CNTNAP2: variants seen among roughly 807,000 people sequenced by gnomAD.
The protein encoded by CNTNAP2 is contactin associated protein 2.
CNTNAP2 carries 98 observed loss-of-function variants against 155.2 expected under a neutral mutation model. The observed-to-expected ratio is 0.63, with a 90% CI of 0.54 to 0.75. CNTNAP2 has a LOEUF of 0.75. Ranked by LOEUF, CNTNAP2 falls within the 30% of genes least tolerant of loss-of-function variation. The pLI, the probability that CNTNAP2 is intolerant of heterozygous loss-of-function variation, is 0.00. For synonymous variants in CNTNAP2, 651 were observed against 631.2 expected, an observed-to-expected ratio of 1.03 and a Z score of -0.47; for missense variants, 1,727 against 1,688.1, an observed-to-expected ratio of 1.02 and a Z score of -0.40.
At chr7:146,979,012 T>C (rs1272357813) in intron 3 of CNTNAP2, among the ~76,000 whole-genome samples, 3 of 152,200 alleles carry the variant, frequency 2.0e-5, no homozygotes, top group African/African-American at 7.2e-5. Flanking sequence ...GAAGATCTTA[T>C]TGATTTTCTA....
chr7:148,074,757 A>T (rs1287298417), intron 15 of CNTNAP2, among the ~76,000 whole-genome samples: 1 of 152,128 alleles, frequency 6.6e-6, no homozygotes, highest in African/African-American at 2.4e-5. Context: ...CTTTTCTCCA[A>T]GTTTTCTTCT....
At chr7:147,356,769 TATA>T (rs1796069729) in intron 9 of CNTNAP2, among the ~76,000 whole-genome samples, 1 of 152,048 alleles carries the variant, frequency 6.6e-6, no homozygotes, top group South Asian at 2.1e-4. Flanking sequence ...TGAGGGAAAA[TATA>T]ATGTCATAAT....
intron 1 of CNTNAP2, among the ~76,000 whole-genome samples, chr7:146,650,581 A>G (rs887353914): frequency 6.6e-6 from 1 of 152,038 alleles, no homozygotes; most frequent in East Asian, 1.9e-4. Flanking sequence ...TAGGAGAAAT[A>G]CCTAATGTAG....
At chr7:146,203,787 T>C (rs1308230104) in intron 1 of CNTNAP2, among the ~76,000 whole-genome samples, 1 of 152,106 alleles carries the variant, frequency 6.6e-6, no homozygotes, top group South Asian at 2.1e-4. Context: ...CTCAGTAGCA[T>C]ACAGAATTTA....
At chr7:147,601,636 T>TAAAAAAAAAAAAA (rs370619019) in intron 12 of CNTNAP2, among the ~76,000 whole-genome samples, 3 of 69,252 alleles carry the variant, frequency 4.3e-5, no homozygotes, top group African/African-American at 1.9e-4. Flanking sequence ...CATTGACTCT[T>TAAAAAAAAAAAAA]AAAAAAAAAT....
intron 3 of CNTNAP2, among the ~76,000 whole-genome samples, chr7:146,875,931 C>G (rs867079024): frequency 2.3e-5 from 1 of 44,180 alleles, no homozygotes; most frequent in Non-Finnish European, 3.7e-5. Context: ...CACACATACA[C>G]AGCAAAAAAA....
At chr7:146,125,495 GA>G (rs1390535094) in intron 1 of CNTNAP2, among the ~76,000 whole-genome samples, 3 of 144,756 alleles carry the variant, frequency 2.1e-5, no homozygotes, top group African/African-American at 7.7e-5. Context: ...AGAATGGCGT[GA>G]ACCCAGGAGG....
At chr7:147,149,097 C>A (rs1331966129) in intron 8 of CNTNAP2, among the ~76,000 whole-genome samples, 1 of 152,210 alleles carries the variant, frequency 6.6e-6, no homozygotes, top group Non-Finnish European at 1.5e-5. Flanking sequence ...TTTGACCCCG[C>A]ACACATCCTG....
intron 1 of CNTNAP2, among the ~76,000 whole-genome samples, chr7:146,426,707 A>G (rs1383541708): frequency 2.6e-5 from 4 of 151,666 alleles, no homozygotes; most frequent in African/African-American, 9.7e-5. Context: ...GGAGGTGGAG[A>G]TATTGGAGAC....
intron 9 of CNTNAP2, among the ~76,000 whole-genome samples, chr7:147,300,877 G>T (rs544298134): frequency 6.6e-6 from 1 of 152,062 alleles, no homozygotes; most frequent in Non-Finnish European, 1.5e-5. Context: ...TCTCCCGGGG[G>T]TCACTGGGCA....
chr7:146,535,114 G>T (rs13312671), intron 1 of CNTNAP2, among the ~76,000 whole-genome samples: 1 of 54 alleles, frequency 0.019, no homozygotes, highest in Non-Finnish European at 0.1. Context: ...ATATATATAT[G>T]ATATATATCA....
At chr7:147,737,553 A>G (rs1796875927) in intron 13 of CNTNAP2, among the ~76,000 whole-genome samples, 1 of 152,076 alleles carries the variant, frequency 6.6e-6, no homozygotes, top group Non-Finnish European at 1.5e-5. Context: ...GCTGTCAGAC[A>G]GGGACATTTA....
At chr7:147,771,109 CTA>C (rs1797462303) in intron 13 of CNTNAP2, among the ~76,000 whole-genome samples, 1 of 152,044 alleles carries the variant, frequency 6.6e-6, no homozygotes, top group Non-Finnish European at 1.5e-5. Context: ...GTAAAAATAA[CTA>C]TGTTTTAATA....
chr7:146,753,370 TAAAA>T, intron 1 of CNTNAP2, among the ~76,000 whole-genome samples: 1 of 149,856 alleles, frequency 6.7e-6, no homozygotes, highest in African/African-American at 2.4e-5. Flanking sequence ...TCCATGTAAT[TAAAA>T]AAAAAATGTA....
intron 1 of CNTNAP2, among the ~76,000 whole-genome samples, chr7:146,687,911 G>A (rs923299256): frequency 2.0e-5 from 3 of 152,180 alleles, no homozygotes; most frequent in Non-Finnish European, 4.4e-5. Flanking sequence ...GCATGTGTGT[G>A]TGAGTTCAAG....
chr7:146,690,524 A>T (rs1277619517), intron 1 of CNTNAP2, among the ~76,000 whole-genome samples: 1 of 152,152 alleles, frequency 6.6e-6, no homozygotes, highest in Non-Finnish European at 1.5e-5. Context: ...AGTCACAATT[A>T]CCAAAGATTT....
At chr7:147,099,430 A>G (rs987164020) in intron 4 of CNTNAP2, among the ~76,000 whole-genome samples, 3 of 152,124 alleles carry the variant, frequency 2.0e-5, no homozygotes, top group Admixed American at 2.0e-4. Context: ...AGTTGAAGCC[A>G]TGGCAGCTCC....
intron 10 of CNTNAP2, among the ~76,000 whole-genome samples, chr7:147,482,457 G>A (rs1798437296): frequency 6.6e-6 from 1 of 152,076 alleles, no homozygotes; most frequent in Non-Finnish European, 1.5e-5. Flanking sequence ...GGTGGCTCAC[G>A]CCTGTAATCC....
intron 13 of CNTNAP2, among the ~76,000 whole-genome samples, chr7:147,800,219 G>A (rs930060177): frequency 1.3e-5 from 2 of 152,140 alleles, no homozygotes; most frequent in Non-Finnish European, 2.9e-5. Flanking sequence ...TATGCTGTGT[G>A]CTGGATAAAA....
Sources: allele counts gnomAD v4.1 joint callset (sites outside exome capture counted in the v4.1 genomes callset), GRCh38; gene constraint gnomAD v4.1.1; transcripts MANE v1.5; gene names NCBI Gene and HGNC (gene_info 2026-07-23, HGNC 2026-07-21).